BCL11B: variants seen among roughly 807,000 people sequenced by gnomAD.
The protein encoded by BCL11B is B-cell lymphoma/leukemia 11B.
A neutral mutation model predicts 49.9 loss-of-function variants in BCL11B; 8 were observed. The ratio of observed to expected loss-of-function variants is 0.16; its 90% CI spans 0.09 to 0.29. BCL11B has a LOEUF of 0.29. Ranked by LOEUF, BCL11B falls within the 10% of genes least tolerant of loss-of-function variation. The probability of loss-of-function intolerance (pLI) is 1.00; values close to 1 mark genes in which losing one functional copy is unlikely to be tolerated. For synonymous variants in BCL11B, 739 were observed against 637.4 expected (o/e 1.16, Z -2.40); for missense variants, 1,006 against 1,351.0 (o/e 0.74, Z 4.00).
At chr14:99,253,766 C>T (rs911719143) in intron 2 of BCL11B, among the ~76,000 whole-genome samples, 1 of 152,206 alleles carries the variant, frequency 6.6e-6, no homozygotes, top group African/African-American at 2.4e-5. Flanking sequence ...CACCTCTCAG[C>T]TCCCCCAAAG....
intron 2 of BCL11B, among the ~76,000 whole-genome samples, chr14:99,254,024 T>G (rs764629870): frequency 6.6e-6 from 1 of 152,188 alleles, no homozygotes. Context: ...AGTGGAGCCC[T>G]GGATCCAGAA....
At position 99,184,884 on chromosome 14, in the gene BCL11B, C is replaced by T. The variant is rs1319827921; in HGVS notation, c.641-8689G>A. Among the ~76,000 whole-genome samples, 1 of 152,220 alleles carries T rather than the reference C, an allele frequency of 6.6e-6. No homozygotes were observed. Among genetic ancestry groups the T allele is most frequent in the Non-Finnish European group, 1.5e-5 (1 of 68,032 alleles). ...CCTGCAGCAGAGGTGAGCTGTGCGG[C>T]TTCATCTGCCTGGACTTAATTCAGG... is the stretch of plus-strand genomic sequence containing the variant. On this transcript the variant is annotated intron_variant, in intron 3 of 3. Coordinates refer to ENST00000357195, the MANE Select transcript of BCL11B (RefSeq NM_138576.4). This position sits in a 1 kb window ranked among gnomAD's most constrained non-coding sequence, Gnocchi z 6.1.
chr14:99,170,971 G>A lies in BCL11B; in HGVS notation c.*3180C>T, dbSNP rs770374596. 8.6e-6 allele frequency: 2 copies of A among 232,500 alleles called. No homozygotes were observed. The highest frequency in any genetic ancestry group is 1.7e-5 in the Non-Finnish European group (2 of 117,636). The allele number at this position is 232,500 out of a possible 1,614,324, so 14.4% of individuals were successfully genotyped here. A position where few individuals can be genotyped will look rare whatever the true frequency, so the allele number is the denominator to read the frequency against. ...AGAGGTGGTGGTGGTGACCGCCACAGGAGTGATGGTAGAGAAGGAAGATGT... is the reference window on the plus strand; with the variant it reads ...AGAGGTGGTGGTGGTGACCGCCACAAGAGTGATGGTAGAGAAGGAAGATGT... On this transcript the variant is annotated 3_prime_UTR_variant, in exon 4 of 4. Coordinates refer to ENST00000357195, the MANE Select transcript of BCL11B (RefSeq NM_138576.4).
intron 3 of BCL11B, among the ~76,000 whole-genome samples, chr14:99,221,540 G>A (rs1888008197): frequency 6.6e-6 from 1 of 152,220 alleles, no homozygotes; most frequent in Non-Finnish European, 1.5e-5. Context: ...CTCTCCCTTG[G>A]CTGTTCCTAC....
chr14:99,180,459 C>T (rs1038719979), intron 3 of BCL11B, among the ~76,000 whole-genome samples: 6 of 152,224 alleles, frequency 3.9e-5, no homozygotes, highest in Admixed American at 1.3e-4. Flanking sequence ...GGACATCTTT[C>T]TCAAATGCAA....
intron 3 of BCL11B, among the ~76,000 whole-genome samples, chr14:99,179,830 T>C (rs1429893175): frequency 6.6e-6 from 1 of 152,174 alleles, no homozygotes; most frequent in Non-Finnish European, 1.5e-5. Context: ...ATTCATTTCC[T>C]TATTATCACT....
rs775569869 is a variant in BCL11B, at chr14:99,271,130, G to T, written c.58+31C>A. 21 of 1,530,002 alleles carry T rather than the reference G, an allele frequency of 1.4e-5. No individual in the cohort carries two copies. The East Asian group carries it at 4.6e-4, about 33-fold the overall frequency. The allele number at this position is 1,530,002 out of a possible 1,614,324, so 94.8% of individuals were successfully genotyped here. On this transcript the variant is annotated intron_variant, in intron 1 of 3. Transcript: ENST00000357195. ...CCCAGACGCCCGGAGCCCCATCTCC[G>T]GCCCCTCGCGCGCACTCCGCAGACA...
chr14:99,193,980 T>C (rs1241496420), intron 3 of BCL11B, among the ~76,000 whole-genome samples: 3 of 152,340 alleles, frequency 2.0e-5, no homozygotes, highest in Middle Eastern at 3.4e-3. Context: ...GGCCATTTTA[T>C]TGGCCCCAAT....
intron 2 of BCL11B, among the ~76,000 whole-genome samples, chr14:99,234,855 CAAAAAAAAAAAAAAAA>C (rs34831762): frequency 1.5e-5 from 1 of 66,638 alleles, no homozygotes; most frequent in Non-Finnish European, 2.8e-5. Context: ...GGTCTATGCA[CAAAAAAAAAAAAAAAA>C]AAAAAAAAAG....
At position 99,228,996 on chromosome 14, in the gene BCL11B, A is replaced by C. The variant is rs1001470835; in HGVS notation, c.640+2349T>G. 7.3e-6 allele frequency among the ~76,000 whole-genome samples: 1 copy of C among 136,422 alleles called. No homozygotes were observed. Among genetic ancestry groups the C allele is most frequent in the Non-Finnish European group, 1.6e-5 (1 of 62,216 alleles). 89.5% of individuals were successfully genotyped at this position (136,422 alleles called of 152,430 possible). On this transcript the variant is annotated intron_variant, in intron 3 of 3. Coordinates refer to ENST00000357195, the MANE Select transcript of BCL11B (RefSeq NM_138576.4). This position sits in a 1 kb window ranked among gnomAD's most constrained non-coding sequence, Gnocchi z 4.8. The stretch of plus-strand genomic sequence containing the variant: ...GATGCATGGATGGATGGATGGCTAC[A>C]TGGATGAATGGATGGATGGATGGAT...
intron 3 of BCL11B, among the ~76,000 whole-genome samples, chr14:99,204,644 G>C (rs550892581): frequency 7.2e-5 from 11 of 152,270 alleles, no homozygotes; most frequent in Non-Finnish European, 1.6e-4. Context: ...CCAGGGGCCA[G>C]GCCAGTGCTG....
At chr14:99,199,277 T>C (rs1360048124) in intron 3 of BCL11B, among the ~76,000 whole-genome samples, 1 of 152,222 alleles carries the variant, frequency 6.6e-6, no homozygotes, top group African/African-American at 2.4e-5. Context: ...CCTCATTTTC[T>C]CCCATGCTCC....
At position 99,255,405 on chromosome 14, in the gene BCL11B, GAAAAAAAAAAAAAA is replaced by G. The variant is rs67440207; in HGVS notation, c.427+2052_427+2065del. 3.9e-3 allele frequency among the ~76,000 whole-genome samples: 251 copies of G among 65,170 alleles called. 1 individual carries two copies. Among genetic ancestry groups the G allele is most frequent in the African/African-American group, 0.015 (235 of 16,036 alleles). The allele number at this position is 65,170 out of a possible 152,430, so 42.8% of individuals were successfully genotyped here. A position where few individuals can be genotyped will look rare whatever the true frequency, so the allele number is the denominator to read the frequency against. ...TAGGCTGCTGCAGTATCACAACCTGGAAAAAAAAAAAAAAAAAAAAAAAAAAAAAACAGGGGGGC... is the reference window on the plus strand; with the variant it reads ...TAGGCTGCTGCAGTATCACAACCTGGAAAAAAAAAAAAAAAACAGGGGGGC... On this transcript the variant is annotated intron_variant, in intron 2 of 3. Coordinates refer to ENST00000357195, the MANE Select transcript of BCL11B (RefSeq NM_138576.4).
At position 99,199,640 on chromosome 14, in the gene BCL11B, CTGTGTGTGTGTG is replaced by C. The variant is rs79328426; in HGVS notation, c.641-23457_641-23446del. Among the ~76,000 whole-genome samples, 85 of 109,590 alleles carry C rather than the reference CTGTGTGTGTGTG, an allele frequency of 7.8e-4. 1 individual carries two copies. The highest frequency in any genetic ancestry group is 4.2e-3 in the East Asian group (18 of 4,302). 71.9% of individuals were successfully genotyped at this position (109,590 alleles called of 152,430 possible). On this transcript the variant is annotated intron_variant, in intron 3 of 3. Coordinates refer to ENST00000357195, the MANE Select transcript of BCL11B (RefSeq NM_138576.4). ...GACTTAGCAGGGTTCTGGCTAAATG[CTGTGTGTGTGTG>C]TGTGTGTGTGTGTGTGTGTGTGTGT... is the stretch of plus-strand genomic sequence containing the variant.
chr14:99,178,264 G>A (rs1886597869), intron 3 of BCL11B, among the ~76,000 whole-genome samples: 1 of 152,204 alleles, frequency 6.6e-6, no homozygotes, highest in Non-Finnish European at 1.5e-5. Flanking sequence ...AATGAAAAAG[G>A]AATTCTGAAG....
At chr14:99,243,616 G>C (rs988723926) in intron 2 of BCL11B, among the ~76,000 whole-genome samples, 21 of 152,156 alleles carry the variant, frequency 1.4e-4, no homozygotes, top group African/African-American at 4.8e-4. Flanking sequence ...GAGACTATCC[G>C]ACACCACATG....
In BCL11B at chr14:99,174,121, T is replaced by A; in HGVS notation, c.*30A>T. On this transcript the variant is annotated 3_prime_UTR_variant, in exon 4 of 4. Coordinates refer to ENST00000357195, the MANE Select transcript of BCL11B (RefSeq NM_138576.4). ...CTCTCGGTTGGCAACGGTTCCACTG[T>A]ACAGGTGCGGGGCGCCGGGGCCCGC... 1 of 1,599,594 alleles carries A rather than the reference T, an allele frequency of 6.3e-7. No homozygotes were observed. Among genetic ancestry groups the A allele is most frequent in the Non-Finnish European group, 8.5e-7 (1 of 1,174,906 alleles).
chr14:99,175,747 G>A lies in BCL11B; in HGVS notation c.1089C>T (p.Phe363=). The stretch of plus-strand genomic sequence containing the variant: ...CCGCCAGCTCGCGGAGCCGCCGCGA[G>A]AAGTCCATGGCGGGCGAGTCGATGG... ...PMAIDSPAMD[F]SRRLRELAGN... is the part of the protein sequence containing the mutation. The change falls in exon 4 of 4, where the codon TTC becomes TTT. Residue 363 remains phenylalanine, a synonymous_variant. Transcript: ENST00000357195. 3 of 1,482,666 alleles carry A rather than the reference G, an allele frequency of 2.0e-6. No individual in the cohort carries two copies. Among genetic ancestry groups the A allele is most frequent in the Non-Finnish European group, 2.7e-6 (3 of 1,131,304 alleles). The allele number at this position is 1,482,666 out of a possible 1,614,324, so 91.8% of individuals were successfully genotyped here. A position where few individuals can be genotyped will look rare whatever the true frequency, so the allele number is the denominator to read the frequency against.
intron 3 of BCL11B, among the ~76,000 whole-genome samples, chr14:99,176,402 G>C (rs1223522273): frequency 2.6e-5 from 4 of 152,180 alleles, no homozygotes; most frequent in African/African-American, 4.8e-5. Context: ...GTCTGTGGGC[G>C]GGCCGCCCTG....
Sources: allele counts gnomAD v4.1 joint callset (sites outside exome capture counted in the v4.1 genomes callset), GRCh38; gene constraint gnomAD v4.1.1; non-coding constraint Gnocchi (gnomAD v3.1); transcripts MANE v1.5; gene names NCBI Gene and HGNC (gene_info 2026-07-23, HGNC 2026-07-21).